Variants in ATRX observed in about 807,000 individuals in gnomAD.
ATRX encodes ATRX chromatin remodeler.
Under a neutral mutation model 172.6 loss-of-function variants are expected in ATRX, and 12 were observed. The observed-to-expected ratio is 0.07, with a 90% CI of 0.04 to 0.11. ATRX has a LOEUF of 0.11. Among genes scored for constraint, ATRX ranks in the 10% least tolerant of loss-of-function variants. ATRX has a pLI of 1.00. For missense variants in ATRX, 1,368 were observed against 1,767.4 expected, an observed-to-expected ratio of 0.77 and a Z score of 4.05; for synonymous variants, 674 against 594.7, an observed-to-expected ratio of 1.13 and a Z score of -1.94.
At chrX:77,767,195 CAGAGGGAGACCGTGGAAAGAGAGGG>C (rs1956229990) in intron 1 of ATRX, among the ~76,000 whole-genome samples, 1 of 105,714 alleles carries the variant, frequency 9.5e-6, no homozygotes, top group Non-Finnish European at 1.9e-5. Flanking sequence ...GGCTCGGCAT[CAGAGGGAGACCGTGGAAAGAGAGGG>C]AGAGGGAGAC....
intron 1 of ATRX, among the ~76,000 whole-genome samples, chrX:77,729,704 G>A (rs781886669): frequency 1.8e-5 from 2 of 111,816 alleles, no homozygotes; most frequent in South Asian, 7.5e-4. Context: ...GGAGGCCAAG[G>A]TGGGTGGATC....
intron 13 of ATRX, 75 bp from the exon 14 acceptor site, chrX:77,654,275 A>C: frequency 1.2e-6 from 1 of 862,537 alleles, no homozygotes; most frequent in Non-Finnish European, 1.7e-6. Flanking sequence ...CTATTTTAAA[A>C]CTGTTCTACC....
chrX:77,508,198 A>AT lies in ATRX; in HGVS notation c.*152dup. 1.5e-6 allele frequency: 1 copy of AT among 655,581 alleles called. No homozygotes were observed. The highest frequency in any genetic ancestry group is 2.2e-6 in the Non-Finnish European group (1 of 447,207). The allele number at this position is 655,581 out of a possible 1,213,427, so 54.0% of individuals were successfully genotyped here. A position where few individuals can be genotyped will look rare whatever the true frequency, so the allele number is the denominator to read the frequency against. ...ATGTCAGGAAGAAATGGTATGCCCT[A>AT]TTTAAAAAAAAAAAAAGTAAAACTA... On this transcript the variant is annotated 3_prime_UTR_variant, in exon 35 of 35. Coordinates refer to ENST00000373344, the MANE Select transcript of ATRX (RefSeq NM_000489.6).
chrX:77,754,834 G>C (rs929930624), intron 1 of ATRX, among the ~76,000 whole-genome samples: 2 of 111,496 alleles, frequency 1.8e-5, no homozygotes, highest in Admixed American at 1.9e-4. Context: ...TTCTCAAGGA[G>C]TATCTTTGTG....
chrX:77,662,173 G>A (rs1557123077), intron 12 of ATRX, among the ~76,000 whole-genome samples: 1 of 111,391 alleles, frequency 9.0e-6, no homozygotes, highest in Admixed American at 9.6e-5. Context: ...CCCTCATGGT[G>A]CTATAATTTT....
At chrX:77,676,070 G>C (rs1314265539) in intron 10 of ATRX, 156 bp downstream of exon 10, 1 of 439,424 alleles carries the variant, frequency 2.3e-6, no homozygotes, top group Non-Finnish European at 3.9e-6. Context: ...CCATTTTCTG[G>C]CCTTTCTTTC....
At chrX:77,723,238 G>C in intron 1 of ATRX, among the ~76,000 whole-genome samples, 1 of 111,154 alleles carries the variant, frequency 9.0e-6, no homozygotes, top group East Asian at 2.8e-4. Context: ...GTAGATGACG[G>C]GTTGATGGGT....
chrX:77,616,828 A>G, intron 21 of ATRX, 98 bp from the exon 22 acceptor site: 1 of 594,165 alleles, frequency 1.7e-6, no homozygotes, highest in Non-Finnish European at 2.8e-6. Context: ...ACACATAAAT[A>G]AATAGGCACT....
chrX:77,729,672 T>C (rs954483720), intron 1 of ATRX, among the ~76,000 whole-genome samples: 4 of 112,183 alleles, frequency 3.6e-5, no homozygotes, highest in African/African-American at 1.3e-4. Flanking sequence ...TGATGGCTCA[T>C]GCCTGTAATC....
At chrX:77,711,851 C>T (rs781992400) in intron 2 of ATRX, among the ~76,000 whole-genome samples, 1 of 111,998 alleles carries the variant, frequency 8.9e-6, no homozygotes, top group Non-Finnish European at 1.9e-5. Flanking sequence ...AACCAACCAA[C>T]CAAACAAACA....
In ATRX at chrX:77,682,536, C is replaced by T. The variant is rs143413618; in HGVS notation, c.2720G>A (p.Arg907Gln). Residue 907 changes from arginine to glutamine, a missense_variant, in exon 9 of 35, where the codon CGA (arginine) becomes CAA (glutamine). Transcript: ENST00000373344. ...ACTTGCTTGCTGCTTCTTAGGAAGT[C>T]GATCTCTTAATTCCATGATGGTCGT... ...KDTTIMELRD[R>Q]LPKKQQASAS... The T allele has an allele frequency of 2.7e-4, 321 of 1,209,755 alleles. No homozygotes were observed. The highest frequency in any genetic ancestry group is 1.6e-3 in the Middle Eastern group (7 of 4,355).
At chrX:77,628,597 A>G (rs1437691930) in intron 19 of ATRX, among the ~76,000 whole-genome samples, 1 of 111,934 alleles carries the variant, frequency 8.9e-6, no homozygotes, top group Non-Finnish European at 1.9e-5. Context: ...TAAAACTAGG[A>G]AAGTTAACAA....
Position 77,683,075 on chromosome X carries a change from T to C in ATRX, c.2181A>G (p.Gln727=), listed in dbSNP as rs1557140151. The C allele has an allele frequency of 8.3e-7, 1 of 1,208,852 alleles. No homozygotes were observed. Among genetic ancestry groups the C allele is most frequent in the Non-Finnish European group, 1.1e-6 (1 of 894,563 alleles). ...PKSKQSETVD[Q]NSDSDEMLAI... ...CTAGCATTTCATCAGAATCTGAATT[T>C]TGATCCACAGTCTCTGATTGCTTAG... is the stretch of plus-strand genomic sequence containing the variant. The change falls in exon 9 of 35, where the codon CAA becomes CAG. Residue 727 remains glutamine, a synonymous_variant. Coordinates refer to ENST00000373344, the MANE Select transcript of ATRX (RefSeq NM_000489.6).
chrX:77,549,990 A>G (rs140895278), intron 30 of ATRX, among the ~76,000 whole-genome samples: 2,344 of 110,806 alleles, frequency 0.021, 64 homozygotes, highest in African/African-American at 0.068. Context: ...GAAATGAAAT[A>G]AAATAAAATA....
At chrX:77,588,556 C>T (rs1254403337) in intron 27 of ATRX, among the ~76,000 whole-genome samples, 2 of 111,195 alleles carry the variant, frequency 1.8e-5, no homozygotes, top group African/African-American at 6.6e-5. Flanking sequence ...TGCTTCAGCC[C>T]AGGAGTTCAA....
chrX:77,761,434 G>A (rs2075713032), intron 1 of ATRX, among the ~76,000 whole-genome samples: 1 of 110,651 alleles, frequency 9.0e-6, no homozygotes, highest in Non-Finnish European at 1.9e-5. Context: ...CTACTTGGGG[G>A]GCTGAGGTGG....
chrX:77,606,758 A>AC (rs1473424996), intron 22 of ATRX, among the ~76,000 whole-genome samples: 1 of 15,016 alleles, frequency 6.7e-5, no homozygotes, highest in African/African-American at 2.2e-4. Context: ...TCATCTCTAC[A>AC]AAAAAAAAAA....
intron 19 of ATRX, among the ~76,000 whole-genome samples, chrX:77,621,459 G>A (rs782280040): frequency 9.0e-6 from 1 of 110,648 alleles, no homozygotes; most frequent in Non-Finnish European, 1.9e-5. Context: ...ACAGGTGCCC[G>A]CCACCATGCC....
At chrX:77,667,295 ATGTGTGTGTGTGTGTG>A (rs782297684) in intron 10 of ATRX, among the ~76,000 whole-genome samples, 12 of 89,060 alleles carry the variant, frequency 1.3e-4, no homozygotes, top group South Asian at 6.2e-4. Flanking sequence ...ACGAATAAAT[ATGTGTGTGTGTGTGTG>A]TGTGTGTGTG....
Sources: allele counts gnomAD v4.1 joint callset (sites outside exome capture counted in the v4.1 genomes callset), GRCh38; gene constraint gnomAD v4.1.1; transcripts MANE v1.5; gene names NCBI Gene and HGNC (gene_info 2026-07-23, HGNC 2026-07-21).